Variants in ZNF568 observed in about 807,000 individuals in gnomAD.
ZNF568 encodes p53 inhibitor of SCO2 activation.
A neutral mutation model predicts 18.1 loss-of-function variants in ZNF568; 11 were observed. The ratio of observed to expected loss-of-function variants is 0.61; its 90% CI spans 0.38 to 1.00. The LOEUF (loss-of-function observed/expected upper bound fraction) is 1.00, where lower values mean the gene tolerates loss of function less well. ZNF568 is among the 50% of genes least tolerant of loss of function. The pLI is 0.01. For synonymous variants in ZNF568, 213 were observed against 246.6 expected, an observed-to-expected ratio of 0.86 and a Z score of 1.28; for missense variants, 639 against 768.2, an observed-to-expected ratio of 0.83 and a Z score of 1.99.
At chr19:36,984,777 T>G (rs1278743951), downstream of ZNF568, among the ~76,000 whole-genome samples, 2 of 152,184 alleles carry the variant, frequency 1.3e-5, no homozygotes, top group Non-Finnish European at 2.9e-5. Flanking sequence ...GGTTTACATT[T>G]TTGTTATTAA....
chr19:36,934,630 T>C (rs1452057283), intron 4 of ZNF568, among the ~76,000 whole-genome samples: 2 of 152,188 alleles, frequency 1.3e-5, no homozygotes, highest in Admixed American at 1.3e-4. Context: ...TATTTTAAGG[T>C]AGAAAGTTAG....
intron 6 of ZNF568, among the ~76,000 whole-genome samples, chr19:36,963,744 G>A (rs1350114059): frequency 2.0e-5 from 3 of 152,034 alleles, no homozygotes; most frequent in Non-Finnish European, 4.4e-5. Flanking sequence ...TGAGGCAGGC[G>A]TATCACGAGG....
At chr19:36,948,657 G>GAGTTTTTTTTTTTTTTTT (rs2074004106) in intron 6 of ZNF568, among the ~76,000 whole-genome samples, 1 of 42,576 alleles carries the variant, frequency 2.3e-5, no homozygotes. Flanking sequence ...TTTTGTTGTT[G>GAGTTTTTTTTTTTTTTTT]ATTTTTTTTT....
chr19:36,991,652 C>A, intron 3 of ZNF568: 2 of 939,448 alleles, frequency 2.1e-6, no homozygotes, highest in South Asian at 1.9e-5. Context: ...ACTCCTTCTT[C>A]TGACCCTTAA....
At chr19:36,967,699 G>A (rs547067803) in intron 6 of ZNF568, among the ~76,000 whole-genome samples, 1 of 152,270 alleles carries the variant, frequency 6.6e-6, no homozygotes, top group East Asian at 1.9e-4. Context: ...TCTGGCAAAA[G>A]CCCATCATCA....
downstream of ZNF568, among the ~76,000 whole-genome samples, chr19:36,984,204 C>A (rs1426535201): frequency 1.3e-5 from 2 of 152,062 alleles, no homozygotes; most frequent in Non-Finnish European, 2.9e-5. Flanking sequence ...TGGCGACCAG[C>A]TTTGTTCTTT....
chr19:36,993,693 T>C (rs2074444884), intron 4 of ZNF568, among the ~76,000 whole-genome samples: 3 of 152,138 alleles, frequency 2.0e-5, no homozygotes, highest in Non-Finnish European at 4.4e-5. Flanking sequence ...CATATAGTTA[T>C]TCGTAGGAGT....
intron 4 of ZNF568, among the ~76,000 whole-genome samples, chr19:36,935,337 G>A (rs1403381021): frequency 2.0e-5 from 3 of 152,014 alleles, no homozygotes; most frequent in African/African-American, 7.2e-5. Flanking sequence ...TGAGGCGGGT[G>A]GATCACGAGG....
At chr19:36,977,439 G>C (rs1264336174) in intron 7 of ZNF568, among the ~76,000 whole-genome samples, 1 of 151,814 alleles carries the variant, frequency 6.6e-6, no homozygotes, top group East Asian at 1.9e-4. Flanking sequence ...TTTTTGTCCT[G>C]GATATGTCTG....
chr19:36,926,718 T>C (rs1193358253), intron 4 of ZNF568, among the ~76,000 whole-genome samples: 2 of 152,242 alleles, frequency 1.3e-5, no homozygotes, highest in South Asian at 2.1e-4. Context: ...GTTACAGCTT[T>C]ATTGAGTTCT....
chr19:36,928,148 C>G (rs1249774307), intron 4 of ZNF568, among the ~76,000 whole-genome samples: 1 of 150,826 alleles, frequency 6.6e-6, no homozygotes, highest in East Asian at 2.0e-4. Context: ...GTGATTCTGA[C>G]CTCAAGTGAT....
chr19:36,942,620 A>C (rs1477667380), intron 6 of ZNF568, among the ~76,000 whole-genome samples: 1 of 150,278 alleles, frequency 6.7e-6, no homozygotes, highest in Non-Finnish European at 1.5e-5. Context: ...AAAAAAAAGA[A>C]GAATAGAGAG....
downstream of ZNF568, among the ~76,000 whole-genome samples, chr19:36,953,740 C>T (rs8107105): frequency 0.012 from 1,892 of 151,832 alleles, 46 homozygotes; most frequent in African/African-American, 0.044. Context: ...GATGAAACCC[C>T]GTCTCTACTA....
At chr19:36,976,231 ATTTTT>A (rs909537678) in intron 7 of ZNF568, 1 of 148,824 alleles carries the variant, frequency 6.7e-6, no homozygotes, top group Admixed American at 6.7e-5. Context: ...TAGTCATGTG[ATTTTT>A]TTTTTTCAGA....
chr19:36,989,431 C>T (rs1600859002), intron 2 of ZNF568, among the ~76,000 whole-genome samples: 1 of 152,318 alleles, frequency 6.6e-6, no homozygotes, highest in African/African-American at 2.4e-5. Context: ...GATCCACCCA[C>T]CTCGGCCTCT....
chr19:36,946,176 T>G (rs1287927282), intron 6 of ZNF568, among the ~76,000 whole-genome samples: 1 of 152,088 alleles, frequency 6.6e-6, no homozygotes, highest in African/African-American at 2.4e-5. Flanking sequence ...GAATTGGTGT[T>G]TCAGGGACAG....
chr19:36,982,720 A>T (rs935927493), downstream of ZNF568, among the ~76,000 whole-genome samples: 11 of 152,160 alleles, frequency 7.2e-5, no homozygotes, highest in African/African-American at 2.7e-4. Context: ...AAGAAAAAGA[A>T]AAGAAAAGAA....
intron 7 of ZNF568, among the ~76,000 whole-genome samples, chr19:36,974,735 G>A (rs2074266472): frequency 6.6e-6 from 1 of 152,098 alleles, no homozygotes; most frequent in Admixed American, 6.6e-5. Flanking sequence ...GATTTGGCAG[G>A]GAAATTGAAC....
chr19:36,957,444 C>G (rs1200169121), downstream of ZNF568, among the ~76,000 whole-genome samples: 5 of 152,156 alleles, frequency 3.3e-5, no homozygotes, highest in East Asian at 9.7e-4. Context: ...GTTGGCCAGG[C>G]TGGTCTTGAA....
Sources: allele counts gnomAD v4.1 joint callset (sites outside exome capture counted in the v4.1 genomes callset), GRCh38; gene constraint gnomAD v4.1.1; transcripts MANE v1.5; gene names NCBI Gene and HGNC (gene_info 2026-07-23, HGNC 2026-07-21).